The following HIVEP1 variants were observed in gnomAD, a reference collection of about 807,000 sequenced individuals.
HIVEP1 encodes HIVEP zinc finger 1, also known as zinc finger protein 40.
Under a neutral mutation model 180.0 loss-of-function variants are expected in HIVEP1, and 36 were observed. The ratio of observed to expected loss-of-function variants is 0.20; its 90% CI spans 0.15 to 0.26. The LOEUF is 0.26. Among genes scored for constraint, HIVEP1 ranks in the 10% least tolerant of loss-of-function variants. The pLI is 1.00. For synonymous variants in HIVEP1, 1,239 were observed against 1,239.0 expected, an observed-to-expected ratio of 1.00 and a Z score of 0.00; for missense variants, 3,143 against 3,268.7, an observed-to-expected ratio of 0.96 and a Z score of 0.94.
chr6:12,071,677 A>G (rs1378002890), intron 2 of HIVEP1, among the ~76,000 whole-genome samples: 1 of 152,222 alleles, frequency 6.6e-6, no homozygotes, highest in Non-Finnish European at 1.5e-5. Flanking sequence ...TTGGGAGCAA[A>G]CCATCTATTT....
At chr6:12,068,101 G>GT (rs1336123049) in intron 2 of HIVEP1, among the ~76,000 whole-genome samples, 2 of 151,702 alleles carry the variant, frequency 1.3e-5, no homozygotes, top group South Asian at 2.1e-4. Flanking sequence ...TACTTTTTTT[G>GT]TTTTTTGAGA....
chr6:12,009,231 G>T (rs749472356), upstream of HIVEP1, among the ~76,000 whole-genome samples: 107 of 149,860 alleles, frequency 7.1e-4, no homozygotes, highest in Non-Finnish European at 1.0e-3. Flanking sequence ...GGGCGGCCGC[G>T]TGGGAACCCG....
At position 12,013,375 on chromosome 6, in the gene HIVEP1, G is replaced by A. The variant is rs539343053; in HGVS notation, c.-104+809G>A. 1.3e-3 allele frequency among the ~76,000 whole-genome samples: 205 copies of A among 152,122 alleles called. 1 individual carries two copies. The highest frequency in any genetic ancestry group is 4.7e-3 in the African/African-American group (194 of 41,468). Reference sequence around the variant, plus strand: ...TCCATGTAGTATTTATTTCTTTCCCGTAAAGGAACGGTTTATCACTCGTCC... The same window carrying A: ...TCCATGTAGTATTTATTTCTTTCCCATAAAGGAACGGTTTATCACTCGTCC... On this transcript the variant is annotated intron_variant, in intron 1 of 8. Coordinates refer to ENST00000379388, the MANE Select transcript of HIVEP1 (RefSeq NM_002114.4).
At position 12,125,423 on chromosome 6, in the gene HIVEP1, T is replaced by C. The variant is rs2113540015; in HGVS notation, c.5628T>C (p.Ala1876=). ...SLTLTVRSSP[A]PSENTHISPL... ...CTCTTACAGTTCGAAGTTCACCTGC[T>C]CCTTCAGAAAATACTCATATTTCTC... The change falls in exon 4 of 9, where the codon GCT becomes GCC. Residue 1876 remains alanine (A), a synonymous_variant. Transcript: ENST00000379388. 1 of 1,614,082 alleles carries C rather than the reference T, an allele frequency of 6.2e-7. No individual in the cohort carries two copies. Among genetic ancestry groups the C allele is most frequent in the Non-Finnish European group, 8.5e-7 (1 of 1,179,956 alleles).
intron 2 of HIVEP1, among the ~76,000 whole-genome samples, chr6:12,043,246 C>CT (rs1449600713): frequency 5.9e-5 from 9 of 152,016 alleles, no homozygotes; most frequent in Non-Finnish European, 1.0e-4. Context: ...TTTACCTACT[C>CT]TCTTTACTTA....
At chr6:12,151,491 A>G (rs764855601) in intron 7 of HIVEP1, among the ~76,000 whole-genome samples, 2 of 152,224 alleles carry the variant, frequency 1.3e-5, no homozygotes, top group African/African-American at 2.4e-5. Flanking sequence ...TCTTATTGGC[A>G]TAATGACAGG....
chr6:12,211,540 A>G, the HIVEP1 span, among the ~76,000 whole-genome samples: 3 of 151,572 alleles, frequency 2.0e-5, no homozygotes, highest in Admixed American at 6.6e-5. Flanking sequence ...ATACACATAC[A>G]TATATTTATA....
intron 2 of HIVEP1, among the ~76,000 whole-genome samples, chr6:12,085,803 T>C (rs1254996926): frequency 6.6e-6 from 1 of 152,190 alleles, no homozygotes; most frequent in East Asian, 1.9e-4. Flanking sequence ...TAAATCCTTA[T>C]TTGAAGATTA....
intron 8 of HIVEP1, 40 bp from the exon 9 acceptor site, chr6:12,163,243 A>T (rs1760517550): frequency 1.4e-6 from 2 of 1,459,976 alleles, no homozygotes; most frequent in Non-Finnish European, 1.9e-6. Flanking sequence ...GTGATTACAA[A>T]AGACCTGTCA....
chr6:12,159,883 A>T (rs1471861625), intron 7 of HIVEP1, among the ~76,000 whole-genome samples: 2 of 152,224 alleles, frequency 1.3e-5, no homozygotes, highest in Non-Finnish European at 2.9e-5. Context: ...AGTTCTTTTC[A>T]TCCCCTAGAA....
upstream of HIVEP1, chr6:12,011,852 G>GC (rs1372672595): frequency 7.7e-6 from 1 of 129,966 alleles, no homozygotes; most frequent in Admixed American, 7.4e-5. Flanking sequence ...CTCAACCCCA[G>GC]CCCCCGCGGG....
At chr6:12,200,219 G>A in the HIVEP1 span, among the ~76,000 whole-genome samples, 1 of 152,128 alleles carries the variant, frequency 6.6e-6, no homozygotes, top group Non-Finnish European at 1.5e-5. Context: ...TATTGCCATG[G>A]CAACACCTGG....
chr6:12,011,768 C>T (rs1456700080), upstream of HIVEP1, among the ~76,000 whole-genome samples: 1 of 148,738 alleles, frequency 6.7e-6, no homozygotes, highest in Non-Finnish European at 1.5e-5. Flanking sequence ...AGTCCCTACA[C>T]CCGGTCAGAG....
At chr6:12,082,968 C>T (rs1772883763) in intron 2 of HIVEP1, among the ~76,000 whole-genome samples, 1 of 152,108 alleles carries the variant, frequency 6.6e-6, no homozygotes, top group African/African-American at 2.4e-5. Context: ...GATAATTGAG[C>T]ACATTGTTAG....
intron 3 of HIVEP1, among the ~76,000 whole-genome samples, chr6:12,109,676 C>G (rs1774758553): frequency 6.6e-6 from 1 of 152,192 alleles, no homozygotes; most frequent in South Asian, 2.1e-4. Context: ...CGGGGACTTC[C>G]TCCACTGAAG....
chr6:12,072,085 C>T (rs904079414), intron 2 of HIVEP1, among the ~76,000 whole-genome samples: 2 of 146,684 alleles, frequency 1.4e-5, no homozygotes, highest in Non-Finnish European at 1.5e-5. Context: ...TATTCTTCTT[C>T]TTTTTTTTTT....
In HIVEP1 at chr6:12,110,029, G is replaced by T. The variant is rs143437417; in HGVS notation, c.95-9861G>T. ...TCCATCAGAGCTCTTGAATGACAAG[G>T]TTTATTCAATGAGCAGTGATATTTT... is the stretch of plus-strand genomic sequence containing the variant. On this transcript the variant is annotated intron_variant, in intron 3 of 8. Coordinates refer to ENST00000379388, the MANE Select transcript of HIVEP1 (RefSeq NM_002114.4). 9.5e-3 allele frequency among the ~76,000 whole-genome samples: 1,440 copies of T among 152,288 alleles called. 29 individuals are homozygous for T. Among genetic ancestry groups the T allele is most frequent in the Non-Finnish European group, 0.014 (964 of 68,016 alleles).
chr6:12,016,778 T>C (rs1367614115), intron 2 of HIVEP1, among the ~76,000 whole-genome samples: 1 of 152,152 alleles, frequency 6.6e-6, no homozygotes, highest in African/African-American at 2.4e-5. Context: ...ATAGAAAACG[T>C]TGAAAATTGA....
chr6:12,053,834 C>T (rs1324448898), intron 2 of HIVEP1, among the ~76,000 whole-genome samples: 1 of 152,178 alleles, frequency 6.6e-6, no homozygotes, highest in Non-Finnish European at 1.5e-5. Context: ...GGCTTTCAGC[C>T]CTTTTCCAGA....
Sources: allele counts gnomAD v4.1 joint callset (sites outside exome capture counted in the v4.1 genomes callset), GRCh38; gene constraint gnomAD v4.1.1; transcripts MANE v1.5; gene names NCBI Gene and HGNC (gene_info 2026-07-23, HGNC 2026-07-21).